Variants in ZYG11B observed in about 807,000 individuals in gnomAD.
ZYG11B encodes protein zyg-11 homolog B.
ZYG11B carries 36 observed loss-of-function variants against 82.4 expected under a neutral mutation model. That is an observed-to-expected ratio of 0.44 (90% confidence interval 0.33 to 0.58). The LOEUF is 0.58. Ranked by LOEUF, ZYG11B falls within the 20% of genes least tolerant of loss-of-function variation. ZYG11B has a pLI of 0.02. For missense variants in ZYG11B, 552 were observed against 895.6 expected, an observed-to-expected ratio of 0.62 and a Z score of 4.90; for synonymous variants, 303 against 312.8, an observed-to-expected ratio of 0.97 and a Z score of 0.33.
At chr1:52,801,734 C>A (rs1645077283) in intron 8 of ZYG11B, 85 bp from the exon 9 acceptor site, 1 of 1,126,996 alleles carries the variant, frequency 8.9e-7, no homozygotes, top group Non-Finnish European at 1.2e-6. Flanking sequence ...TGAGACTAAT[C>A]CTCATGGACT....
rs1259550851 is a variant in ZYG11B at position 52,823,879 on chromosome 1, C to T, written c.*2250C>T. On this transcript the variant is annotated 3_prime_UTR_variant, in exon 14 of 14. Coordinates refer to ENST00000294353, the MANE Select transcript of ZYG11B (RefSeq NM_024646.3). The stretch of plus-strand genomic sequence containing the variant: ...GGCGTAGTGGCTCTTGCCTGTAATC[C>T]CAGCATTCTGGGAGGCCGAGGCGGG... The T allele has an allele frequency of 6.6e-6, 1 of 152,184 alleles. No individual in the cohort carries two copies. Among genetic ancestry groups the T allele is most frequent in the Non-Finnish European group, 1.5e-5 (1 of 68,054 alleles). 9.4% of individuals were successfully genotyped at this position (152,184 alleles called of 1,614,324 possible).
chr1:52,760,014 A>G (rs115997442), intron 2 of ZYG11B, among the ~76,000 whole-genome samples: 1,822 of 152,174 alleles, frequency 0.012, 32 homozygotes, highest in African/African-American at 0.042. Flanking sequence ...TATTTTTTTT[A>G]GTACAGATGG....
intron 2 of ZYG11B, among the ~76,000 whole-genome samples, chr1:52,762,981 G>GC (rs974377965): frequency 1.4e-5 from 2 of 139,266 alleles, no homozygotes; most frequent in African/African-American, 5.3e-5. Flanking sequence ...GAGATTGGGG[G>GC]GGGGGGGTCT....
intron 3 of ZYG11B, among the ~76,000 whole-genome samples, chr1:52,779,278 A>G (rs1219839847): frequency 6.6e-6 from 1 of 152,182 alleles, no homozygotes; most frequent in Non-Finnish European, 1.5e-5. Flanking sequence ...GTAGGGCCTT[A>G]TAATAGTGTT....
intron 1 of ZYG11B, among the ~76,000 whole-genome samples, chr1:52,750,853 A>G (rs1293713643): frequency 6.6e-6 from 1 of 152,136 alleles, no homozygotes; most frequent in Non-Finnish European, 1.5e-5. Flanking sequence ...GTTCATACAA[A>G]TGGGATCATA....
At chr1:52,762,087 A>G (rs1286801568) in intron 2 of ZYG11B, among the ~76,000 whole-genome samples, 1 of 151,406 alleles carries the variant, frequency 6.6e-6, no homozygotes, top group East Asian at 1.9e-4. Flanking sequence ...TGAATAATCT[A>G]CAAATATTTT....
At chr1:52,758,245 A>T (rs548533800) in intron 2 of ZYG11B, among the ~76,000 whole-genome samples, 1 of 151,752 alleles carries the variant, frequency 6.6e-6, no homozygotes, top group African/African-American at 2.4e-5. Flanking sequence ...TTTACAGTTG[A>T]TAAACTCATA....
intron 1 of ZYG11B, among the ~76,000 whole-genome samples, chr1:52,744,102 A>G (rs952846104): frequency 7.9e-5 from 12 of 152,072 alleles, no homozygotes; most frequent in Non-Finnish European, 1.8e-4. Context: ...ACACCCAGCT[A>G]ATTTTTTTAT....
intron 1 of ZYG11B, among the ~76,000 whole-genome samples, chr1:52,729,510 G>A (rs997857084): frequency 2.0e-5 from 3 of 152,096 alleles, no homozygotes; most frequent in Admixed American, 6.6e-5. Context: ...CCACTTTCTC[G>A]TGCAATATTT....
At chr1:52,762,644 C>T (rs1219049620) in intron 2 of ZYG11B, among the ~76,000 whole-genome samples, 3 of 151,854 alleles carry the variant, frequency 2.0e-5, no homozygotes, top group South Asian at 2.1e-4. Context: ...GCAGTGGCGC[C>T]GTTTCAGCTC....
At chr1:52,810,181 C>A (rs1338880409) in intron 10 of ZYG11B, among the ~76,000 whole-genome samples, 1 of 152,126 alleles carries the variant, frequency 6.6e-6, no homozygotes, top group Non-Finnish European at 1.5e-5. Context: ...TGAAACAAGA[C>A]CTTCCTGAGG....
intron 4 of ZYG11B, among the ~76,000 whole-genome samples, chr1:52,782,448 G>T (rs1044982884): frequency 6.6e-6 from 1 of 151,974 alleles, no homozygotes; most frequent in South Asian, 2.1e-4. Context: ...AGTGGTGCAC[G>T]ATCATAGTTC....
chr1:52,803,123 C>CACATATATATATATATAT (rs1553262802), intron 10 of ZYG11B, among the ~76,000 whole-genome samples: 18 of 53,632 alleles, frequency 3.4e-4, no homozygotes, highest in African/African-American at 5.8e-4. Flanking sequence ...TATATACACA[C>CACATATATATATATATAT]ATATATATAT....
intron 1 of ZYG11B, among the ~76,000 whole-genome samples, chr1:52,731,226 G>C (rs1164971004): frequency 6.6e-6 from 1 of 151,084 alleles, no homozygotes; most frequent in South Asian, 2.1e-4. Context: ...TGTGAGCTGC[G>C]ATTGTGCCAC....
At chr1:52,794,661 A>G (rs1180400028) in intron 6 of ZYG11B, among the ~76,000 whole-genome samples, 2 of 152,300 alleles carry the variant, frequency 1.3e-5, no homozygotes, top group East Asian at 3.9e-4. Context: ...GCAGTGATCA[A>G]TGTGTCAAAG....
chr1:52,752,606 T>G (rs1322521666), intron 1 of ZYG11B, among the ~76,000 whole-genome samples: 2 of 152,200 alleles, frequency 1.3e-5, no homozygotes, highest in Non-Finnish European at 2.9e-5. Context: ...CAGGGGATCT[T>G]GGAATCCCAC....
At chr1:52,735,392 C>G (rs1644370968) in intron 1 of ZYG11B, among the ~76,000 whole-genome samples, 1 of 152,158 alleles carries the variant, frequency 6.6e-6, no homozygotes, top group Admixed American at 6.6e-5. Flanking sequence ...ATTTCTTTGA[C>G]AAACTTAATG....
chr1:52,800,893 G>A (rs888443765), intron 8 of ZYG11B, among the ~76,000 whole-genome samples: 23 of 151,910 alleles, frequency 1.5e-4, no homozygotes, highest in Non-Finnish European at 3.2e-4. Context: ...TTTTTTTCCT[G>A]AATTGTGTAT....
At chr1:52,786,330 G>A (rs2149948896) in intron 5 of ZYG11B, among the ~76,000 whole-genome samples, 2 of 152,294 alleles carry the variant, frequency 1.3e-5, no homozygotes, top group East Asian at 3.9e-4. Context: ...TTGGGATGAT[G>A]AAATTGTGAT....
Sources: allele counts gnomAD v4.1 joint callset (sites outside exome capture counted in the v4.1 genomes callset), GRCh38; gene constraint gnomAD v4.1.1; transcripts MANE v1.5; gene names NCBI Gene and HGNC (gene_info 2026-07-23, HGNC 2026-07-21).